The following ACOXL variants were observed in gnomAD, a reference collection of about 807,000 sequenced individuals.
The protein encoded by ACOXL is acyl-coenzyme A oxidase-like protein.
In ACOXL, 70 loss-of-function variants were observed where a neutral mutation model predicts 71.9. That is an observed-to-expected ratio of 0.97 (90% CI 0.80 to 1.19). The LOEUF is 1.19. ACOXL is among the 50% of genes most tolerant of loss of function. The pLI, the probability that ACOXL is intolerant of heterozygous loss-of-function variation, is 0.00. For missense variants in ACOXL, 703 were observed against 736.3 expected (o/e 0.95, Z 0.52); for synonymous variants, 253 against 281.6 (o/e 0.90, Z 1.02).
At chr2:110,866,422 G>T (rs1258908326) in intron 10 of ACOXL, among the ~76,000 whole-genome samples, 2 of 152,184 alleles carry the variant, frequency 1.3e-5, no homozygotes, top group African/African-American at 2.4e-5. Context: ...ACTCAGTTAA[G>T]TGAGTCATTT....
At chr2:110,993,536 T>C (rs1053544408) in intron 13 of ACOXL, among the ~76,000 whole-genome samples, 2 of 152,264 alleles carry the variant, frequency 1.3e-5, no homozygotes, top group African/African-American at 4.8e-5. Flanking sequence ...TATGGATGAA[T>C]AGACACCTGG....
intron 1 of ACOXL, among the ~76,000 whole-genome samples, chr2:110,755,330 C>T (rs533746051): frequency 1.3e-5 from 2 of 152,160 alleles, no homozygotes; most frequent in South Asian, 2.1e-4. Context: ...CTTAGAGACC[C>T]AAGAAGACAT....
At chr2:111,116,614 GTGA>G (rs1229255869) in intron 17 of ACOXL, among the ~76,000 whole-genome samples, 2 of 149,640 alleles carry the variant, frequency 1.3e-5, no homozygotes, top group Admixed American at 1.3e-4. Context: ...GCTGGTGTAA[GTGA>G]TGTTGTTAAA....
intron 9 of ACOXL, among the ~76,000 whole-genome samples, chr2:110,833,501 G>A (rs1690091546): frequency 6.6e-6 from 1 of 152,150 alleles, no homozygotes; most frequent in Non-Finnish European, 1.5e-5. Flanking sequence ...CCTGTGGCTT[G>A]ACTCTATCAG....
intron 9 of ACOXL, among the ~76,000 whole-genome samples, chr2:110,814,423 AT>A (rs35676187): frequency 6.1e-3 from 872 of 143,654 alleles, no homozygotes; most frequent in Middle Eastern, 0.011. Flanking sequence ...TGTCCAGTGG[AT>A]TTTTTTTTTT....
chr2:110,760,413 G>A (rs1352478362), intron 1 of ACOXL, among the ~76,000 whole-genome samples: 1 of 152,144 alleles, frequency 6.6e-6, no homozygotes, highest in Non-Finnish European at 1.5e-5. Context: ...CAAAGTGCTG[G>A]GATTACAGGC....
intron 8 of ACOXL, among the ~76,000 whole-genome samples, chr2:110,803,030 CAAAAAG>C (rs1369990486): frequency 1.3e-5 from 2 of 151,728 alleles, no homozygotes; most frequent in African/African-American, 2.4e-5. Context: ...CAAAATAAAG[CAAAAAG>C]AAAAAGAAAA....
At chr2:110,953,511 C>G (rs2061397750) in intron 12 of ACOXL, among the ~76,000 whole-genome samples, 2 of 151,964 alleles carry the variant, frequency 1.3e-5, no homozygotes, top group African/African-American at 4.8e-5. Flanking sequence ...ACCAATAGAT[C>G]AAGCTTCTTA....
chr2:110,872,225 G>A (rs1695365907), intron 10 of ACOXL, among the ~76,000 whole-genome samples: 2 of 152,316 alleles, frequency 1.3e-5, no homozygotes, highest in South Asian at 2.1e-4. Flanking sequence ...CACCCTGAAG[G>A]ATAAGCCTGG....
At chr2:110,939,625 CTT>C (rs1321966983) in intron 12 of ACOXL, among the ~76,000 whole-genome samples, 1 of 152,304 alleles carries the variant, frequency 6.6e-6, no homozygotes, top group South Asian at 2.1e-4. Flanking sequence ...TGGCACCTAA[CTT>C]TTATTTTTGT....
intron 16 of ACOXL, among the ~76,000 whole-genome samples, chr2:111,077,127 C>G (rs1190719529): frequency 2.0e-5 from 3 of 152,182 alleles, no homozygotes; most frequent in African/African-American, 7.2e-5. Flanking sequence ...ATTTGGATGG[C>G]TATCATTCAG....
chr2:110,891,382 A>G (rs1249630806), intron 10 of ACOXL, among the ~76,000 whole-genome samples: 1 of 151,926 alleles, frequency 6.6e-6, no homozygotes, highest in Admixed American at 6.6e-5. Context: ...CTTTTTTTCC[A>G]TCATTTTACT....
At chr2:110,937,591 T>A (rs2060711716) in intron 12 of ACOXL, among the ~76,000 whole-genome samples, 1 of 152,142 alleles carries the variant, frequency 6.6e-6, no homozygotes, top group Non-Finnish European at 1.5e-5. Context: ...AGAATGAACA[T>A]CTTCTAATTG....
intron 9 of ACOXL, among the ~76,000 whole-genome samples, chr2:110,821,956 AGTGT>A (rs892565817): frequency 6.7e-6 from 1 of 150,222 alleles, no homozygotes; most frequent in Non-Finnish European, 1.5e-5. Context: ...TGTGCATGTG[AGTGT>A]GTGTGTGAGT....
At chr2:110,972,313 A>G (rs1380495611) in intron 12 of ACOXL, among the ~76,000 whole-genome samples, 1 of 152,188 alleles carries the variant, frequency 6.6e-6, no homozygotes, top group Non-Finnish European at 1.5e-5. Context: ...GTCCAGTTTT[A>G]CAGTCTGCTA....
At chr2:111,084,258 TACACACACACACACACACACAC>T (rs61263209) in intron 16 of ACOXL, among the ~76,000 whole-genome samples, 95 of 135,014 alleles carry the variant, frequency 7.0e-4, no homozygotes, top group Non-Finnish European at 9.1e-4. Context: ...ATCTAAGGAA[TACACACACACACACACACACAC>T]ACACACACAC....
chr2:110,779,476 G>A (rs1312795689), intron 2 of ACOXL, among the ~76,000 whole-genome samples: 2 of 152,188 alleles, frequency 1.3e-5, no homozygotes, highest in Non-Finnish European at 2.9e-5. Flanking sequence ...TTTACAGGTT[G>A]CTTCAAAACA....
intron 14 of ACOXL, among the ~76,000 whole-genome samples, chr2:111,017,403 G>A (rs1000315219): frequency 8.5e-5 from 13 of 152,216 alleles, no homozygotes; most frequent in African/African-American, 2.9e-4. Flanking sequence ...CAGACCACAC[G>A]CCCTCACCAT....
At position 111,117,928 on chromosome 2, in the gene ACOXL, T is replaced by C; in HGVS notation, c.*112T>C. The C allele has an allele frequency of 1.5e-6, 2 of 1,291,510 alleles. No homozygotes were observed. The highest frequency in any genetic ancestry group is 2.1e-6 in the Non-Finnish European group (2 of 963,554). 80.0% of individuals were successfully genotyped at this position (1,291,510 alleles called of 1,614,324 possible). Reference sequence around the variant, plus strand: ...GCTGGCACCCGCTGGGCCGCCACTCTCGGGGATTTTGGTGGCAAAGCGGAG... The same window carrying C: ...GCTGGCACCCGCTGGGCCGCCACTCCCGGGGATTTTGGTGGCAAAGCGGAG... On this transcript the variant is annotated 3_prime_UTR_variant, in exon 18 of 18. Transcript: ENST00000439055.
Sources: gnomAD v4.1 joint callset for allele counts (sites outside exome capture counted in the v4.1 genomes callset) on GRCh38, gnomAD v4.1.1 for gene constraint, MANE v1.5 for transcripts, NCBI Gene and HGNC (gene_info 2026-07-23, HGNC 2026-07-21) for gene names.